The following CHADL variants were observed in gnomAD, a reference collection of about 807,000 sequenced individuals.
CHADL encodes chondroadherin-like protein.
A neutral mutation model predicts 52.1 loss-of-function variants in CHADL; 48 were observed. The observed-to-expected ratio is 0.92, with a 90% CI of 0.73 to 1.17. The LOEUF (loss-of-function observed/expected upper bound fraction) is 1.17, where lower values mean the gene tolerates loss of function less well. Ranked by LOEUF, CHADL falls within the 50% of genes most tolerant of loss-of-function variation. The pLI is 0.00. For missense variants in CHADL, 977 were observed against 1,035.1 expected (o/e 0.94, Z 0.77); for synonymous variants, 498 against 511.2 (o/e 0.97, Z 0.35).
At chr22:41,230,076 T>TCCTC in intron 5 of CHADL, 10 of 912,378 alleles carry the variant, frequency 1.1e-5, no homozygotes, top group South Asian at 3.2e-5. Context: ...TCCCAGCTCC[T>TCCTC]CCGCCCCCAC....
intron 5 of CHADL, 132 bp downstream of exon 5, chr22:41,235,013 G>C (rs1229445840): frequency 6.6e-6 from 6 of 915,288 alleles, no homozygotes; most frequent in African/African-American, 3.3e-5. Context: ...TTGAACTGAC[G>C]CAACTGGGTC....
intron 5 of CHADL, among the ~76,000 whole-genome samples, chr22:41,232,167 C>T (rs571229288): frequency 1.3e-5 from 2 of 151,698 alleles, no homozygotes; most frequent in Non-Finnish European, 2.9e-5. Context: ...CCTGTCTCTA[C>T]TAAAAATACA....
chr22:41,232,095 G>A (rs2145628943), intron 5 of CHADL, among the ~76,000 whole-genome samples: 1 of 152,246 alleles, frequency 6.6e-6, no homozygotes, highest in South Asian at 2.1e-4. Context: ...CACTTTGGGA[G>A]GCCACGGCGG....
intron 1 of CHADL, among the ~76,000 whole-genome samples, chr22:41,239,822 C>A (rs540289057): frequency 5.1e-4 from 78 of 152,332 alleles, no homozygotes; most frequent in African/African-American, 1.8e-3. Context: ...TCCTGTTTTA[C>A]ATGGGAGGAA....
At position 41,238,044 on chromosome 22, in the gene CHADL, C is replaced by G. The variant is rs1340636985; in HGVS notation, c.1028G>C (p.Arg343Pro). The G allele has an allele frequency of 5.5e-6, 7 of 1,273,114 alleles. 1 individual carries two copies. In the South Asian group the frequency reaches 2.0e-4, roughly 36 times the overall value. 78.9% of individuals were successfully genotyped at this position (1,273,114 alleles called of 1,614,324 possible). A position where few individuals can be genotyped will look rare whatever the true frequency, so the allele number is the denominator to read the frequency against. Residue 343 changes from arginine to proline, a missense_variant, in exon 3 of 6, where the codon CGG becomes CCG. Transcript: ENST00000216241. The surrounding 1 kb of genome is among the most constrained non-coding windows in gnomAD (Gnocchi z 4.9). ...DGACQGPRRL[R>P]GEALDALRPW... ...CCGCAGGGCGTCCAGAGCCTCGCCCCGCAGGCGCCGCGGCCCCTGGCACGC... is the reference window on the plus strand; with the variant it reads ...CCGCAGGGCGTCCAGAGCCTCGCCCGGCAGGCGCCGCGGCCCCTGGCACGC...
At position 41,237,757 on chromosome 22, in the gene CHADL, A is replaced by G. The variant is rs774642574; in HGVS notation, c.1315T>C (p.Ser439Pro). ...LLDLRRNHFP[S>P]VPRAAFPGLG... Reference sequence around the variant, plus strand: ...CCGGGGAAGGCCGCTCGGGGCACCGAGGGGAAGTGGTTCCGCCTCAGGTCC... The same window carrying G: ...CCGGGGAAGGCCGCTCGGGGCACCGGGGGGAAGTGGTTCCGCCTCAGGTCC... The change falls in exon 3 of 6, where the codon TCG (serine) becomes CCG (proline). Residue 439 changes from serine to proline, a missense_variant. Transcript: ENST00000216241. 3 of 1,538,760 alleles carry G rather than the reference A, an allele frequency of 1.9e-6. No homozygotes were observed. The highest frequency in any genetic ancestry group is 1.2e-5 in the South Asian group (1 of 83,122).
At position 41,237,619 on chromosome 22, in the gene CHADL, G is replaced by C; in HGVS notation, c.1453C>G (p.Leu485Val). ...LIYLYLSDNQ[L>V]AGLSAAALEG... ...AGGGCAGCAGCGCTGAGGCCTGCGA[G>C]CTGGTTGTCGGAGAGGTACAGGTAG... The change falls in exon 3 of 6, where the codon CTC (leucine) becomes GTC (valine). Residue 485 changes from leucine to valine, a missense_variant. Leu to Val is a conservative substitution (Grantham distance 32). Transcript: ENST00000216241. 3.2e-6 allele frequency: 5 copies of C among 1,550,466 alleles called. No homozygotes were observed. The highest frequency in any genetic ancestry group is 4.4e-6 in the Non-Finnish European group (5 of 1,146,894).
chr22:41,229,867 G>T, intron 5 of CHADL, 137 bp from the exon 6 acceptor site: 1 of 827,578 alleles, frequency 1.2e-6, no homozygotes. Context: ...GCCCGGCCCC[G>T]GCCCCTCCTC....
rs984767036 is a variant in CHADL at position 41,237,936 on chromosome 22, G to A, written c.1136C>T (p.Pro379Leu). Residue 379 changes from proline (P) to leucine (L), a missense_variant, in exon 3 of 6, where the codon CCT becomes CTT. Physicochemically the swap from Pro to Leu is moderately conservative, Grantham distance 98 (BLOSUM62 -3). Transcript: ENST00000216241. ...EERAVAGPRA[P>L]PRGPPRGPGE... ...GGGGCCGCGCGGAGGGCCGCGCGGA[G>A]GGGCGCGGGGCCCGGCCACAGCCCG... The A allele has an allele frequency of 2.4e-5, 30 of 1,269,484 alleles. No homozygotes were observed. Among genetic ancestry groups the A allele is most frequent in the Non-Finnish European group, 3.0e-5 (30 of 1,013,312 alleles). 78.6% of individuals were successfully genotyped at this position (1,269,484 alleles called of 1,614,324 possible).
At chr22:41,230,949 G>T (rs986452120) in intron 5 of CHADL, 1 of 152,162 alleles carries the variant, frequency 6.6e-6, no homozygotes, top group African/African-American at 2.4e-5. Flanking sequence ...AAATGCCCCC[G>T]GGGAGGACAT....
intron 1 of CHADL, among the ~76,000 whole-genome samples, 162 bp from the exon 2 acceptor site, chr22:41,239,782 C>T (rs543235664): frequency 2.0e-5 from 3 of 152,326 alleles, no homozygotes; most frequent in African/African-American, 7.2e-5. Flanking sequence ...CTGCCCCCCA[C>T]CCCCCACGCA....
rs1003517984 is a variant in CHADL at position 41,238,386 on chromosome 22, G to C, written c.686C>G (p.Ala229Gly). ...QALPGPVLSQ[A>G]RGLARLELGH... ...CAGCTCCAGACGGGCCAGGCCGCGG[G>C]CCTGGGACAAGACAGGCCCGGGCAG... is the stretch of plus-strand genomic sequence containing the variant. Residue 229 changes from alanine (A) to glycine (G), a missense_variant, in exon 3 of 6, where the codon GCC (alanine) becomes GGC (glycine). By Grantham distance (60) the Ala-to-Gly change is moderately conservative. Coordinates refer to ENST00000216241, the MANE Select transcript of CHADL (RefSeq NM_138481.2). This position sits in a 1 kb window ranked among gnomAD's most constrained non-coding sequence, Gnocchi z 4.9. The C allele has an allele frequency of 1.3e-6, 2 of 1,499,490 alleles. No homozygotes were observed. Among genetic ancestry groups the C allele is most frequent in the Non-Finnish European group, 1.8e-6 (2 of 1,129,508 alleles). The allele number at this position is 1,499,490 out of a possible 1,614,324, so 92.9% of individuals were successfully genotyped here.
At chr22:41,233,914 G>A (rs6002289) in intron 5 of CHADL, among the ~76,000 whole-genome samples, 12,797 of 152,150 alleles carry the variant, frequency 0.084, 1,505 homozygotes, top group African/African-American at 0.26. Flanking sequence ...GGACACCTCC[G>A]TGGCCTTACA....
chr22:41,237,437 C>T lies in CHADL; in HGVS notation c.1635G>A (p.Arg545=). ...CACTCAGGTAGACCCAGCGCAAGGC[C>T]CGTGTTCTCCCCAGGTCCCCAGGTG... The part of the protein sequence containing the change: ...RLAPGDLGRT[R]ALRWVYLSGN... The change falls in exon 3 of 6, where the codon CGG becomes CGA. Residue 545 remains arginine, a synonymous_variant. Transcript: ENST00000216241. 6.4e-7 allele frequency: 1 copy of T among 1,550,512 alleles called. No homozygotes were observed.
At chr22:41,233,706 A>C (rs993329106) in intron 5 of CHADL, among the ~76,000 whole-genome samples, 2 of 152,202 alleles carry the variant, frequency 1.3e-5, no homozygotes. Flanking sequence ...CCTAGCCTAC[A>C]GAAGCTCTGC....
At chr22:41,236,167 C>T (rs1334046852) in intron 4 of CHADL, among the ~76,000 whole-genome samples, 6 of 152,214 alleles carry the variant, frequency 3.9e-5, no homozygotes, top group African/African-American at 9.6e-5. Flanking sequence ...CCACCATCCC[C>T]GACCTCTTGT....
intron 5 of CHADL, chr22:41,231,406 A>G (rs1038131824): frequency 2.0e-5 from 3 of 152,252 alleles, no homozygotes; most frequent in Admixed American, 6.5e-5. Context: ...GCCTGTCATC[A>G]GCTCAAGTTC....
At chr22:41,233,913 C>T (rs540898256) in intron 5 of CHADL, among the ~76,000 whole-genome samples, 1 of 152,206 alleles carries the variant, frequency 6.6e-6, no homozygotes, top group African/African-American at 2.4e-5. Context: ...TGGACACCTC[C>T]GTGGCCTTAC....
chr22:41,237,880 G>A lies in CHADL; in HGVS notation c.1192C>T (p.Arg398Cys). ...GACTCGGGGACGCACACGCAGGCGC[G>A]AGGGCAAGGCGCGACTGCCCGCTCC... is the stretch of plus-strand genomic sequence containing the variant. Reference protein sequence around the residue: ...GEERAVAPCPRACVCVPESRH... With the variant: ...GEERAVAPCPCACVCVPESRH... Residue 398 changes from arginine to cysteine, a missense_variant, in exon 3 of 6, where the codon CGC becomes TGC. Coordinates refer to ENST00000216241, the MANE Select transcript of CHADL (RefSeq NM_138481.2). 1 of 1,387,444 alleles carries A rather than the reference G, an allele frequency of 7.2e-7. No individual in the cohort carries two copies. The highest frequency in any genetic ancestry group is 1.6e-5 in the South Asian group (1 of 61,250). The allele number at this position is 1,387,444 out of a possible 1,614,324, so 85.9% of individuals were successfully genotyped here. A position where few individuals can be genotyped will look rare whatever the true frequency, so the allele number is the denominator to read the frequency against.
Sources: allele counts gnomAD v4.1 joint callset (sites outside exome capture counted in the v4.1 genomes callset), GRCh38; gene constraint gnomAD v4.1.1; non-coding constraint Gnocchi (gnomAD v3.1); transcripts MANE v1.5; gene names NCBI Gene and HGNC (gene_info 2026-07-23, HGNC 2026-07-21).